Variants in CEP20 observed in about 807,000 individuals in gnomAD.
CEP20 encodes the protein FGFR1OP N-terminal like.
CEP20 carries 18 observed loss-of-function variants against 20.0 expected under a neutral mutation model. The observed-to-expected ratio is 0.90, with a 90% CI of 0.62 to 1.34. The LOEUF (loss-of-function observed/expected upper bound fraction) is 1.34. CEP20 is among the 40% of genes most tolerant of loss of function. CEP20 has a pLI of 0.00. For missense variants in CEP20, 215 were observed against 201.6 expected, an observed-to-expected ratio of 1.07 and a Z score of -0.40; for synonymous variants, 77 against 73.7, an observed-to-expected ratio of 1.04 and a Z score of -0.23.
chr16:15,876,462 G>A (rs1254694658), intron 3 of CEP20, among the ~76,000 whole-genome samples: 2 of 150,892 alleles, frequency 1.3e-5, no homozygotes, highest in Non-Finnish European at 2.9e-5. Context: ...ACGACAGAGT[G>A]AGACTCTGTC....
Position 15,867,338 on chromosome 16 carries a change from T to G in CEP20, c.*102A>C. 1 of 835,956 alleles carries G rather than the reference T, an allele frequency of 1.2e-6. No individual in the cohort carries two copies. The highest frequency in any genetic ancestry group is 1.7e-6 in the Non-Finnish European group (1 of 585,186). The allele number at this position is 835,956 out of a possible 1,614,324, so 51.8% of individuals were successfully genotyped here. ...GAGGGGTGTTTTGTAGAAACTCCAA[T>G]TTCTACAAACATTAGTGGTGCATTT... is the stretch of plus-strand genomic sequence containing the variant. On this transcript the variant is annotated 3_prime_UTR_variant, in exon 5 of 5. Coordinates refer to ENST00000255759, the MANE Select transcript of CEP20 (RefSeq NM_144600.4).
chr16:15,866,755 TTTACAGCAAAATTA>T lies in CEP20; in HGVS notation c.*671_*684del. Reference sequence around the variant, plus strand: ...CTAATAAAATAAACTCTTTGTTTTATTTACAGCAAAATTATTACAGCAAATTTACTTCTCCTCTA... The same window carrying T: ...CTAATAAAATAAACTCTTTGTTTTATTTACAGCAAATTTACTTCTCCTCTA... On this transcript the variant is annotated 3_prime_UTR_variant, in exon 5 of 5. Coordinates refer to ENST00000255759, the MANE Select transcript of CEP20 (RefSeq NM_144600.4). The T allele has an allele frequency of 6.6e-6, 1 of 152,380 alleles. No individual in the cohort carries two copies. The highest frequency in any genetic ancestry group is 2.1e-4 in the South Asian group (1 of 4,834). 9.4% of individuals were successfully genotyped at this position (152,380 alleles called of 1,614,324 possible). A position where few individuals can be genotyped will look rare whatever the true frequency, so the allele number is the denominator to read the frequency against.
intron 4 of CEP20, among the ~76,000 whole-genome samples, chr16:15,872,961 G>A (rs7197838): frequency 0.069 from 10,424 of 151,818 alleles, 470 homozygotes; most frequent in East Asian, 0.22. Flanking sequence ...TTATTTTGCA[G>A]TCATGGAGAG....
chr16:15,871,880 T>C (rs758104863), intron 4 of CEP20, among the ~76,000 whole-genome samples: 7 of 152,216 alleles, frequency 4.6e-5, no homozygotes, highest in Admixed American at 6.5e-5. Context: ...CTACTGGTCA[T>C]AGCAGTTTAG....
chr16:15,868,892 A>G (rs916966008), intron 4 of CEP20, among the ~76,000 whole-genome samples: 1 of 152,088 alleles, frequency 6.6e-6, no homozygotes, highest in Non-Finnish European at 1.5e-5. Context: ...CTATTATAAA[A>G]ATCTGGTCTT....
chr16:15,878,626 A>G (rs2045014254), intron 3 of CEP20, among the ~76,000 whole-genome samples: 1 of 151,998 alleles, frequency 6.6e-6, no homozygotes, highest in Non-Finnish European at 1.5e-5. Context: ...CCTCCCTAGC[A>G]GCTGGGACTA....
intron 3 of CEP20, among the ~76,000 whole-genome samples, chr16:15,878,298 G>A (rs1019782876): frequency 3.3e-5 from 5 of 152,136 alleles, no homozygotes; most frequent in Admixed American, 2.6e-4. Context: ...CAGAAATCAG[G>A]TGTGAGCAGA....
rs974842460 is a variant in CEP20 at position 15,865,904 on chromosome 16, T to C, written c.*1536A>G. 3 of 152,216 alleles carry C rather than the reference T, an allele frequency of 2.0e-5. No individual in the cohort carries two copies. The highest frequency in any genetic ancestry group is 7.2e-5 in the African/African-American group (3 of 41,454). 9.4% of individuals were successfully genotyped at this position (152,216 alleles called of 1,614,324 possible). On this transcript the variant is annotated 3_prime_UTR_variant, in exon 5 of 5. Transcript: ENST00000255759. ...TATACTCCAGCATTTTTTCCGAATA[T>C]AGTCTTACATGATTGCAATTCCTGA...
Position 15,867,229 on chromosome 16 carries a change from T to G in CEP20, c.*211A>C. The G allele has an allele frequency of 2.3e-6, 1 of 430,532 alleles. No individual in the cohort carries two copies. Among genetic ancestry groups the G allele is most frequent in the South Asian group, 5.4e-5 (1 of 18,430 alleles). The allele number at this position is 430,532 out of a possible 1,614,324, so 26.7% of individuals were successfully genotyped here. ...TCTCAAAAAAACAAAAAATACTTCG[T>G]AAAAACAATACTTTTTTTTTCAAGT... On this transcript the variant is annotated 3_prime_UTR_variant, in exon 5 of 5. Coordinates refer to ENST00000255759, the MANE Select transcript of CEP20 (RefSeq NM_144600.4).
chr16:15,869,603 G>A (rs2044765043), intron 4 of CEP20, among the ~76,000 whole-genome samples: 1 of 152,054 alleles, frequency 6.6e-6, no homozygotes, highest in South Asian at 2.1e-4. Flanking sequence ...GAGCTGCCGT[G>A]GCCTGGCCTG....
chr16:15,874,484 T>C (rs2044896090), intron 3 of CEP20, among the ~76,000 whole-genome samples: 1 of 152,156 alleles, frequency 6.6e-6, no homozygotes, highest in South Asian at 2.1e-4. Flanking sequence ...CCATATTGTT[T>C]TCCTTACAGT....
At chr16:15,873,389 T>G in intron 4 of CEP20, 102 bp downstream of exon 4, 6 of 1,381,586 alleles carry the variant, frequency 4.3e-6, no homozygotes, top group Non-Finnish European at 5.9e-6. Context: ...TAAGCAGAAT[T>G]AAACTATGAC....
In CEP20 at chr16:15,888,508, A is replaced by T. The variant is rs1402489855; in HGVS notation, c.28+50T>A. 3 of 1,613,290 alleles carry T rather than the reference A, an allele frequency of 1.9e-6. No homozygotes were observed. The African/African-American group carries it at 4.0e-5, about 22-fold the overall frequency. On this transcript the variant is annotated intron_variant, in intron 1 of 4. Transcript: ENST00000255759. The stretch of plus-strand genomic sequence containing the variant: ...CTCCTCCCATCCCATCCTTTCCACA[A>T]GATGAAGGCCCGACGCTTCCCATGT...
chr16:15,887,170 G>A (rs1331498864), intron 1 of CEP20, among the ~76,000 whole-genome samples: 2 of 152,108 alleles, frequency 1.3e-5, no homozygotes, highest in African/African-American at 2.4e-5. Context: ...AGGATTACAG[G>A]CATGAGCCAC....
At chr16:15,883,479 A>G (rs973480770) in intron 2 of CEP20, among the ~76,000 whole-genome samples, 4 of 151,830 alleles carry the variant, frequency 2.6e-5, no homozygotes, top group African/African-American at 9.7e-5. Context: ...CCCCTCCCCG[A>G]CCCCTGCTCA....
At chr16:15,883,938 G>C in intron 2 of CEP20, 70 bp downstream of exon 2, 2 of 1,350,486 alleles carry the variant, frequency 1.5e-6, no homozygotes, top group Admixed American at 2.0e-5. Context: ...TAGATTTCTA[G>C]GATAAACAGT....
Position 15,879,863 on chromosome 16 carries a change from C to T in CEP20, c.252G>A (p.Leu84=). 1 of 1,568,066 alleles carries T rather than the reference C, an allele frequency of 6.4e-7. No homozygotes were observed. Among genetic ancestry groups the T allele is most frequent in the East Asian group, 2.4e-5 (1 of 40,862 alleles). The change falls in exon 3 of 5, where the codon TTG becomes TTA. Residue 84 remains leucine (L), a synonymous_variant. Coordinates refer to ENST00000255759, the MANE Select transcript of CEP20 (RefSeq NM_144600.4). The stretch of plus-strand genomic sequence containing the variant: ...GTTCATGGATGAGAAACTGTCTGTC[C>T]AACGGAACTACAGGTTGACCAGATT... ...IAESGQPVVP[L]DRQFLIHELN...
chr16:15,875,566 G>A (rs917799330), intron 3 of CEP20, among the ~76,000 whole-genome samples: 1 of 152,034 alleles, frequency 6.6e-6, no homozygotes, highest in African/African-American at 2.4e-5. Flanking sequence ...TGAGAGGATC[G>A]CTTGAGTGCA....
At chr16:15,886,858 C>T (rs2045258977) in intron 1 of CEP20, among the ~76,000 whole-genome samples, 2 of 152,158 alleles carry the variant, frequency 1.3e-5, no homozygotes, top group South Asian at 2.1e-4. Context: ...AAGGTCTTAA[C>T]CTCGCTTATA....
Sources: gnomAD v4.1 joint callset for allele counts (sites outside exome capture counted in the v4.1 genomes callset) on GRCh38, gnomAD v4.1.1 for gene constraint, MANE v1.5 for transcripts, NCBI Gene and HGNC (gene_info 2026-07-23, HGNC 2026-07-21) for gene names.